The following AHRR variants were observed in gnomAD, a reference collection of about 807,000 sequenced individuals.
The protein encoded by AHRR is ahR repressor.
AHRR carries 28 observed loss-of-function variants against 44.0 expected under a neutral mutation model. The ratio of observed to expected loss-of-function variants is 0.64; its 90% confidence interval spans 0.47 to 0.87. The LOEUF (loss-of-function observed/expected upper bound fraction) is 0.87. AHRR is among the 40% of genes least tolerant of loss of function. The pLI, the probability that AHRR is intolerant of heterozygous loss-of-function variation, is 0.00. For missense variants in AHRR, 990 were observed against 953.9 expected, an observed-to-expected ratio of 1.04 and a Z score of -0.50; for synonymous variants, 434 against 407.0, an observed-to-expected ratio of 1.07 and a Z score of -0.80.
Position 343,970 on chromosome 5 carries a change from G to A in AHRR, c.62+6G>A. 1 of 1,595,836 alleles carries A rather than the reference G, an allele frequency of 6.3e-7. No homozygotes were observed. The highest frequency in any genetic ancestry group is 1.4e-5 in the African/African-American group (1 of 72,154). ...AGGAGGCCCCTGCAGAAACAGTAAA[G>A]TATCCCGCCTTCTGCTTGTGTGGGT... On this transcript the variant is annotated splice_donor_region_variant and intron_variant, in intron 2 of 10. Transcript: ENST00000684583.
chr5:419,399 T>C lies in AHRR; in HGVS notation c.442-3330T>C, dbSNP rs185193967. The stretch of plus-strand genomic sequence containing the variant: ...CCAGGCTGATCTCAAACTCCCAACC[T>C]CAAGTGATCTGCCCGCCTTGGCCTC... On this transcript the variant is annotated intron_variant, in intron 5 of 10. Transcript: ENST00000684583. This position sits in a 1 kb window ranked among gnomAD's most constrained non-coding sequence, Gnocchi z 4.4. Among the ~76,000 whole-genome samples the C allele has an allele frequency of 3.9e-4, 59 of 152,226 alleles. 1 individual carries two copies. The East Asian group carries it at 9.3e-3, about 24-fold the overall frequency.
rs1560902239 is a variant in AHRR, at chr5:387,422, T to C, written c.351+10706T>C. Among the ~76,000 whole-genome samples, 1 of 152,202 alleles carries C rather than the reference T, an allele frequency of 6.6e-6. No individual in the cohort carries two copies. ...GAGGAAAAAATAATGAGGATTGCCC[T>C]CTTCTTGTACAGCAGGGACCCCATT... On this transcript the variant is annotated intron_variant, in intron 4 of 10. Transcript: ENST00000684583. The surrounding 1 kb of genome is among the most constrained non-coding windows in gnomAD (Gnocchi z 5.1).
chr5:345,919 G>T (rs1286593219), intron 2 of AHRR, among the ~76,000 whole-genome samples: 1 of 152,098 alleles, frequency 6.6e-6, no homozygotes, highest in African/African-American at 2.4e-5. Context: ...CCCATGTCCC[G>T]CAGGGAGACC....
At chr5:401,018 G>A (rs965294639) in intron 4 of AHRR, among the ~76,000 whole-genome samples, 1 of 152,236 alleles carries the variant, frequency 6.6e-6, no homozygotes. Context: ...AGCCCGTGTG[G>A]GGCGGGAGTG....
intron 3 of AHRR, among the ~76,000 whole-genome samples, chr5:365,993 G>A (rs75049429): frequency 0.098 from 14,926 of 152,022 alleles, 1,041 homozygotes; most frequent in Non-Finnish European, 0.13. Context: ...ATTGGTGTGA[G>A]CTCATGGTTT....
At position 436,004 on chromosome 5, in the gene AHRR, A is replaced by C. The variant is rs1737015847; in HGVS notation, c.*1170A>C. 1 of 152,766 alleles carries C rather than the reference A, an allele frequency of 6.5e-6. No individual in the cohort carries two copies. Among genetic ancestry groups the C allele is most frequent in the South Asian group, 2.1e-4 (1 of 4,830 alleles). 9.5% of individuals were successfully genotyped at this position (152,766 alleles called of 1,614,324 possible). A position where few individuals can be genotyped will look rare whatever the true frequency, so the allele number is the denominator to read the frequency against. Reference sequence around the variant, plus strand: ...ACCCCACCCGGCTGGTGCAGGCATCAGATCAGGGTGTAGAAGTCACCCCAA... The same window carrying C: ...ACCCCACCCGGCTGGTGCAGGCATCCGATCAGGGTGTAGAAGTCACCCCAA... On this transcript the variant is annotated 3_prime_UTR_variant, in exon 11 of 11. Transcript: ENST00000684583.
At position 380,573 on chromosome 5, in the gene AHRR, T is replaced by G. The variant is rs189635090; in HGVS notation, c.351+3857T>G. Among the ~76,000 whole-genome samples the G allele has an allele frequency of 2.3e-3, 356 of 152,338 alleles. 2 individuals are homozygous for G. The highest frequency in any genetic ancestry group is 7.9e-3 in the African/African-American group (330 of 41,580). The stretch of plus-strand genomic sequence containing the variant: ...GTTAGATTCATGTTTAAGTTTTATA[T>G]TTTTGTTCTTAATGTAAATGAGACT... On this transcript the variant is annotated intron_variant, in intron 4 of 10. Coordinates refer to ENST00000684583, the MANE Select transcript of AHRR (RefSeq NM_001377236.1).
chr5:359,560 G>A (rs1463689909), intron 3 of AHRR, among the ~76,000 whole-genome samples: 1 of 152,202 alleles, frequency 6.6e-6, no homozygotes, highest in African/African-American at 2.4e-5. Context: ...GAGAGAAGGT[G>A]GCACAGCCTC....
At position 432,829 on chromosome 5, in the gene AHRR, G is replaced by C; in HGVS notation, c.994G>C (p.Val332Leu). 1 of 1,613,876 alleles carries C rather than the reference G, an allele frequency of 6.2e-7. No individual in the cohort carries two copies. The highest frequency in any genetic ancestry group is 1.1e-5 in the South Asian group (1 of 91,082). The change falls in exon 10 of 11, where the codon GTT becomes CTT. Residue 332 changes from valine (V) to leucine (L), a missense_variant. By Grantham distance (32) the Val-to-Leu change is conservative (BLOSUM62 1). Transcript: ENST00000684583. The part of the protein sequence containing the change: ...SAGRSSRESG[V>L]LVLREQTDAG... ...AGGAAGGAGCAGCAGAGAGAGCGGC[G>C]TTTTGGTGCTCAGGGAACAGACTGA...
chr5:374,532 A>C (rs1021853040), intron 3 of AHRR, among the ~76,000 whole-genome samples: 1 of 152,156 alleles, frequency 6.6e-6, no homozygotes, highest in African/African-American at 2.4e-5. Context: ...GCTTCCTCGG[A>C]ATAGTCCTGC....
chr5:421,275 C>T (rs1407088932), intron 5 of AHRR: 6 of 698,678 alleles, frequency 8.6e-6, no homozygotes, highest in Non-Finnish European at 1.6e-5. Context: ...TGTGCAGGCA[C>T]GGAACGGGCG....
chr5:421,165 C>G, intron 5 of AHRR: 1 of 585,458 alleles, frequency 1.7e-6, no homozygotes, highest in Non-Finnish European at 3.0e-6. Context: ...TGGGAGGCCG[C>G]TCTGGCGCCC....
rs1374872445 is a variant in AHRR at position 436,574 on chromosome 5, C to G, written c.*1740C>G. On this transcript the variant is annotated 3_prime_UTR_variant, in exon 11 of 11. Transcript: ENST00000684583. The stretch of plus-strand genomic sequence containing the variant: ...AAGAGAACAGCCAACCATCTGAGCC[C>G]AGAGTCACAGATCCATCGTGGCCCC... 1.3e-5 allele frequency: 2 copies of G among 152,402 alleles called. No homozygotes were observed. Among genetic ancestry groups the G allele is most frequent in the African/African-American group, 4.8e-5 (2 of 41,438 alleles). The allele number at this position is 152,402 out of a possible 1,614,324, so 9.4% of individuals were successfully genotyped here.
At position 434,084 on chromosome 5, in the gene AHRR, C is replaced by T. The variant is rs771904502; in HGVS notation, c.1344C>T (p.Pro448=). 2 of 1,612,790 alleles carry T rather than the reference C, an allele frequency of 1.2e-6. No individual in the cohort carries two copies. The highest frequency in any genetic ancestry group is 2.2e-5 in the South Asian group (2 of 91,000). ...TCCAGGGCACTTTCAGGAACTCGCCCATCTCTCACCCGCCGAGCCCGTCCC... is the reference window on the plus strand; with the variant it reads ...TCCAGGGCACTTTCAGGAACTCGCCTATCTCTCACCCGCCGAGCCCGTCCC... The part of the protein sequence containing the change: ...PCVQGTFRNS[P]ISHPPSPSPS... The change falls in exon 11 of 11, where the codon CCC becomes CCT. Residue 448 remains proline (P), a synonymous_variant. Coordinates refer to ENST00000684583, the MANE Select transcript of AHRR (RefSeq NM_001377236.1).
rs557741300 is a variant in AHRR at position 390,704 on chromosome 5, G to A, written c.351+13988G>A. 3.0e-4 allele frequency among the ~76,000 whole-genome samples: 46 copies of A among 152,220 alleles called. No individual in the cohort carries two copies. In the South Asian group the frequency reaches 8.3e-3, roughly 27 times the overall value. On this transcript the variant is annotated intron_variant, in intron 4 of 10. Transcript: ENST00000684583. Reference sequence around the variant, plus strand: ...CCCAGAGCCCAGGGCATGAGTTTCCGGGTTGGAAGTTCCTGCTGGGATCTC... The same window carrying A: ...CCCAGAGCCCAGGGCATGAGTTTCCAGGTTGGAAGTTCCTGCTGGGATCTC...
intron 2 of AHRR, among the ~76,000 whole-genome samples, chr5:349,225 T>G (rs902291647): frequency 2.6e-5 from 4 of 152,246 alleles, no homozygotes; most frequent in Non-Finnish European, 5.9e-5. Flanking sequence ...TGTGAATATT[T>G]TCTTCCAACC....
rs1042338396 is a variant in AHRR at position 406,067 on chromosome 5, T to A, written c.352-7277T>A. On this transcript the variant is annotated intron_variant, in intron 4 of 10. Transcript: ENST00000684583. This position sits in a 1 kb window ranked among gnomAD's most constrained non-coding sequence, Gnocchi z 4.7. Reference sequence around the variant, plus strand: ...TACAGCCACCCGAAAAAGGTAGAAATTCTGCAACAAAATTAACTGGGGAAA... The same window carrying A: ...TACAGCCACCCGAAAAAGGTAGAAAATCTGCAACAAAATTAACTGGGGAAA... Among the ~76,000 whole-genome samples the A allele has an allele frequency of 6.6e-6, 1 of 152,072 alleles. No individual in the cohort carries two copies. The highest frequency in any genetic ancestry group is 2.1e-4 in the South Asian group (1 of 4,822).
At chr5:393,451 G>A (rs998813758) in intron 4 of AHRR, among the ~76,000 whole-genome samples, 1 of 152,186 alleles carries the variant, frequency 6.6e-6, no homozygotes, top group African/African-American at 2.4e-5. Context: ...CCACGAGTGG[G>A]AGAACACTGC....
chr5:408,925 GA>G (rs1291130275), intron 4 of AHRR, among the ~76,000 whole-genome samples: 1 of 152,106 alleles, frequency 6.6e-6, no homozygotes, highest in Non-Finnish European at 1.5e-5. Context: ...TTTTCCTACA[GA>G]AATATATACT....
Sources: allele counts gnomAD v4.1 joint callset (sites outside exome capture counted in the v4.1 genomes callset), GRCh38; gene constraint gnomAD v4.1.1; non-coding constraint Gnocchi (gnomAD v3.1); transcripts MANE v1.5; gene names NCBI Gene and HGNC (gene_info 2026-07-23, HGNC 2026-07-21).